Variants in TYW1 observed in about 807,000 individuals in gnomAD.
TYW1 encodes the protein S-adenosyl-L-methionine-dependent tRNA 4-demethylwyosine synthase TYW1.
Under a neutral mutation model 96.2 loss-of-function variants are expected in TYW1, and 46 were observed. That is an observed-to-expected ratio of 0.48 (90% CI 0.38 to 0.61). The LOEUF (loss-of-function observed/expected upper bound fraction) is 0.61. TYW1 is among the 20% of genes least tolerant of loss of function. The probability of loss-of-function intolerance (pLI) is 0.00; values close to 1 mark genes in which losing one functional copy is unlikely to be tolerated. For missense variants in TYW1, 684 were observed against 909.6 expected (o/e 0.75, Z 3.19); for synonymous variants, 274 against 323.0 (o/e 0.85, Z 1.63).
At chr7:67,224,058 C>T (rs890511524) in intron 15 of TYW1, among the ~76,000 whole-genome samples, 1 of 152,122 alleles carries the variant, frequency 6.6e-6, no homozygotes, top group Non-Finnish European at 1.5e-5. Flanking sequence ...TATTCTCCTT[C>T]AGCACAACAC....
At chr7:67,120,819 T>C (rs1206372456) in intron 13 of TYW1, among the ~76,000 whole-genome samples, 1 of 152,190 alleles carries the variant, frequency 6.6e-6, no homozygotes, top group East Asian at 1.9e-4. Flanking sequence ...ATGAATTCAA[T>C]TGTAATTACT....
intron 3 of TYW1, among the ~76,000 whole-genome samples, chr7:67,006,671 C>T (rs1793603603): frequency 6.6e-6 from 1 of 151,974 alleles, no homozygotes; most frequent in Non-Finnish European, 1.5e-5. Flanking sequence ...ATCTCCTGAC[C>T]TCAAGTGATC....
intron 3 of TYW1, among the ~76,000 whole-genome samples, chr7:67,006,948 C>CTTTTTTTTTTTTTTTTT (rs34475001): frequency 2.4e-4 from 11 of 45,142 alleles, no homozygotes; most frequent in Non-Finnish European, 3.3e-4. Context: ...AGATGTGAGG[C>CTTTTTTTTTTTTTTTTT]TTTTTTTTTT....
intron 9 of TYW1, among the ~76,000 whole-genome samples, chr7:67,057,265 G>A (rs1279429581): frequency 2.0e-5 from 3 of 151,744 alleles, no homozygotes; most frequent in East Asian, 1.9e-4. Flanking sequence ...TGCCCACCTC[G>A]GCCTCCCAAA....
At chr7:67,026,532 T>C (rs1194763692) in intron 7 of TYW1, among the ~76,000 whole-genome samples, 1 of 152,162 alleles carries the variant, frequency 6.6e-6, no homozygotes, top group Non-Finnish European at 1.5e-5. Flanking sequence ...TCTTAATATA[T>C]AAGTTTGATG....
At chr7:67,013,124 T>TC (rs1418616013) in intron 4 of TYW1, among the ~76,000 whole-genome samples, 1 of 151,524 alleles carries the variant, frequency 6.6e-6, no homozygotes, top group African/African-American at 2.4e-5. Flanking sequence ...TCTTTTCTTT[T>TC]TTTTTTTTGA....
chr7:67,190,968 T>G (rs62464998), intron 14 of TYW1, among the ~76,000 whole-genome samples: 6,146 of 152,272 alleles, frequency 0.04, 184 homozygotes, highest in Middle Eastern at 0.099. Flanking sequence ...GAAGACTTTA[T>G]GGCCCCATCT....
At chr7:67,013,947 A>G (rs535648112) in intron 4 of TYW1, among the ~76,000 whole-genome samples, 39 of 151,748 alleles carry the variant, frequency 2.6e-4, no homozygotes, top group South Asian at 6.2e-4. Context: ...GTTTCACCGT[A>G]TTAGCCAGGA....
chr7:67,026,229 C>A (rs531160121), intron 7 of TYW1, among the ~76,000 whole-genome samples: 1 of 152,198 alleles, frequency 6.6e-6, no homozygotes, highest in East Asian at 1.9e-4. Flanking sequence ...CATACCACCA[C>A]GCTGAGCTAA....
intron 11 of TYW1, among the ~76,000 whole-genome samples, chr7:67,083,862 C>A (rs2115776218): frequency 6.6e-6 from 1 of 152,170 alleles, no homozygotes; most frequent in South Asian, 2.1e-4. Flanking sequence ...TGGTGAAACC[C>A]CGTCTCTACT....
intron 15 of TYW1, among the ~76,000 whole-genome samples, chr7:67,210,018 G>A (rs190217883): frequency 3.3e-5 from 5 of 152,238 alleles, no homozygotes; most frequent in Non-Finnish European, 1.5e-5. Context: ...TACAATTCGT[G>A]AGCCAATATT....
At chr7:67,202,599 G>A (rs1800637505) in intron 15 of TYW1, among the ~76,000 whole-genome samples, 1 of 152,016 alleles carries the variant, frequency 6.6e-6, no homozygotes, top group Non-Finnish European at 1.5e-5. Flanking sequence ...GTCCCACTGT[G>A]TTGGCCAGGC....
chr7:67,195,383 G>A (rs1005349696), intron 15 of TYW1, 46 bp downstream of exon 15: 1 of 1,606,322 alleles, frequency 6.2e-7, no homozygotes, highest in African/African-American at 1.3e-5. Context: ...CGACCCTGCT[G>A]TTCTTTCCTT....
intron 12 of TYW1, among the ~76,000 whole-genome samples, chr7:67,109,737 G>A (rs180729312): frequency 2.0e-5 from 3 of 152,208 alleles, no homozygotes; most frequent in African/African-American, 7.2e-5. Context: ...AAAATTAGCC[G>A]GGTGTGGTGG....
At chr7:67,084,139 C>G (rs188570211) in intron 11 of TYW1, among the ~76,000 whole-genome samples, 37 of 152,318 alleles carry the variant, frequency 2.4e-4, no homozygotes, top group African/African-American at 8.4e-4. Context: ...GAAACCTTTG[C>G]TGTTGTTCTG....
chr7:67,012,304 T>C (rs1360879352), intron 4 of TYW1, among the ~76,000 whole-genome samples: 1 of 151,908 alleles, frequency 6.6e-6, no homozygotes, highest in Non-Finnish European at 1.5e-5. Flanking sequence ...GCTGAGATCA[T>C]GCCACTGCAT....
intron 13 of TYW1, among the ~76,000 whole-genome samples, chr7:67,133,390 A>G (rs1420883827): frequency 1.3e-5 from 2 of 152,034 alleles, no homozygotes; most frequent in East Asian, 1.9e-4. Context: ...TGATCCTCCT[A>G]CCTTGGCTTT....
At chr7:67,135,560 C>A (rs1000245392) in intron 13 of TYW1, among the ~76,000 whole-genome samples, 9 of 151,808 alleles carry the variant, frequency 5.9e-5, no homozygotes, top group African/African-American at 2.2e-4. Context: ...GCCTCGGCCT[C>A]CCAAAGTGCT....
intron 7 of TYW1, among the ~76,000 whole-genome samples, chr7:67,029,413 G>A (rs377125147): frequency 0.37 from 32,458 of 88,370 alleles, 5,426 homozygotes; most frequent in Admixed American, 0.42. Context: ...GTGTGTGTGT[G>A]TGTATATATA....
Sources: gnomAD v4.1 joint callset for allele counts (sites outside exome capture counted in the v4.1 genomes callset) on GRCh38, gnomAD v4.1.1 for gene constraint, MANE v1.5 for transcripts, NCBI Gene and HGNC (gene_info 2026-07-23, HGNC 2026-07-21) for gene names.